Variants in RYR2 observed in about 807,000 individuals in gnomAD.
RYR2 encodes cardiac muscle ryanodine receptor-calcium release channel.
Under a neutral mutation model 601.1 loss-of-function variants are expected in RYR2, and 227 were observed. That is an observed-to-expected ratio of 0.38 (90% CI 0.34 to 0.42). The LOEUF is 0.42. Among genes scored for constraint, RYR2 ranks in the 10% least tolerant of loss-of-function variants. The pLI, the probability that RYR2 is intolerant of heterozygous loss-of-function variation, is 1.00. For missense variants in RYR2, 4,646 were observed against 6,156.5 expected (o/e 0.75, Z 8.21); for synonymous variants, 2,223 against 2,175.1 (o/e 1.02, Z -0.61).
At position 237,284,662 on chromosome 1, in the gene RYR2, C is replaced by T. The variant is rs1274488513; in HGVS notation, c.168+14046C>T. Among the ~76,000 whole-genome samples the T allele has an allele frequency of 7.6e-5, 6 of 79,050 alleles. 1 individual carries two copies. The highest frequency in any genetic ancestry group is 4.0e-4 in the African/African-American group (6 of 14,928). The allele number at this position is 79,050 out of a possible 152,430, so 51.9% of individuals were successfully genotyped here. On this transcript the variant is annotated intron_variant, in intron 2 of 104. Transcript: ENST00000366574. ...AGTGTGTGTATATATATATATATTC[C>T]ACCATATATATATATATATGTACAC...
At chr1:237,197,688 AGTG>A (rs1230095124) in intron 1 of RYR2, among the ~76,000 whole-genome samples, 1 of 152,230 alleles carries the variant, frequency 6.6e-6, no homozygotes, top group African/African-American at 2.4e-5. Flanking sequence ...TGCTTGAAGA[AGTG>A]GTGAATGTCT....
intron 67 of RYR2, 133 bp downstream of exon 67, chr1:237,705,476 G>A (rs1688293208): frequency 4.0e-6 from 3 of 750,418 alleles, no homozygotes; most frequent in Admixed American, 2.7e-5. Context: ...AAATGTTATT[G>A]TTTGGTATTC....
intron 39 of RYR2, among the ~76,000 whole-genome samples, chr1:237,624,096 A>G (rs763373083): frequency 6.6e-6 from 1 of 152,180 alleles, no homozygotes; most frequent in Non-Finnish European, 1.5e-5. Flanking sequence ...TGAGCAGAAG[A>G]TGACCAAAAT....
At chr1:237,455,234 A>G (rs1025387089) in intron 15 of RYR2, among the ~76,000 whole-genome samples, 8 of 152,190 alleles carry the variant, frequency 5.3e-5, no homozygotes, top group Non-Finnish European at 1.0e-4. Flanking sequence ...GTTGGAGACT[A>G]CGAGGGTTGA....
intron 1 of RYR2, among the ~76,000 whole-genome samples, chr1:237,067,380 A>G (rs1008477716): frequency 6.6e-6 from 1 of 152,204 alleles, no homozygotes; most frequent in Non-Finnish European, 1.5e-5. Context: ...TTATTCCAGC[A>G]GCATTTGTTG....
rs554216571 is a variant in RYR2 at position 237,669,816 on chromosome 1, G to A, written c.8590+1858G>A. Among the ~76,000 whole-genome samples the A allele has an allele frequency of 1.1e-3, 172 of 151,564 alleles. 1 individual carries two copies. The highest frequency in any genetic ancestry group is 2.3e-3 in the South Asian group (11 of 4,776). On this transcript the variant is annotated intron_variant, in intron 58 of 104. Coordinates refer to ENST00000366574, the MANE Select transcript of RYR2 (RefSeq NM_001035.3). ...CCTCACTTTCCAGACTGGGCAGCCA[G>A]GCAGAGGGGCTCCTCACATCCCAGA... is the stretch of plus-strand genomic sequence containing the variant.
chr1:237,346,997 T>G (rs1698363958), intron 3 of RYR2, among the ~76,000 whole-genome samples: 1 of 152,148 alleles, frequency 6.6e-6, no homozygotes, highest in African/African-American at 2.4e-5. Flanking sequence ...TGAGGTCCTG[T>G]GAGTCTGTGA....
intron 24 of RYR2, among the ~76,000 whole-genome samples, chr1:237,516,102 AACTT>A (rs752373070): frequency 5.3e-5 from 8 of 149,708 alleles, no homozygotes; most frequent in Admixed American, 2.0e-4. Context: ...CAATCTTCCC[AACTT>A]ACTTACTTAT....
chr1:237,523,580 C>T (rs868573960), intron 24 of RYR2, among the ~76,000 whole-genome samples: 31 of 151,896 alleles, frequency 2.0e-4, no homozygotes, highest in African/African-American at 6.8e-4. Context: ...ACTAAAAATA[C>T]AAAAAAAGTA....
chr1:237,279,839 G>A (rs947907375), intron 2 of RYR2, among the ~76,000 whole-genome samples: 1 of 152,142 alleles, frequency 6.6e-6, no homozygotes, highest in Non-Finnish European at 1.5e-5. Flanking sequence ...CATCATCGTG[G>A]ACTCTGGATA....
intron 44 of RYR2, among the ~76,000 whole-genome samples, chr1:237,637,643 T>C (rs1481428942): frequency 6.6e-6 from 1 of 152,232 alleles, no homozygotes; most frequent in Non-Finnish European, 1.5e-5. Context: ...AATTGATATA[T>C]CATTTTGGAA....
chr1:237,729,222 G>A (rs1453563797), intron 76 of RYR2, among the ~76,000 whole-genome samples: 4 of 152,042 alleles, frequency 2.6e-5, no homozygotes, highest in South Asian at 2.1e-4. Flanking sequence ...CCAGTGGTTC[G>A]CCAACCTGGT....
chr1:237,554,755 T>A (rs1196501965), intron 27 of RYR2, among the ~76,000 whole-genome samples: 2 of 152,062 alleles, frequency 1.3e-5, no homozygotes, highest in East Asian at 3.8e-4. Context: ...TAGGTTGCCA[T>A]ATATAGGCAT....
chr1:237,814,330 G>T (rs548634781), intron 100 of RYR2, among the ~76,000 whole-genome samples: 11 of 152,140 alleles, frequency 7.2e-5, no homozygotes, highest in African/African-American at 2.7e-4. Context: ...TCTCTTGAAC[G>T]TGTCCTTTCA....
chr1:237,729,490 C>G (rs549332368), intron 76 of RYR2, among the ~76,000 whole-genome samples: 2 of 152,126 alleles, frequency 1.3e-5, no homozygotes, highest in Non-Finnish European at 2.9e-5. Flanking sequence ...CTAACTGTTA[C>G]GTCTCATGAG....
chr1:237,255,453 TA>T (rs1241826472), intron 1 of RYR2, among the ~76,000 whole-genome samples: 4 of 152,220 alleles, frequency 2.6e-5, no homozygotes, highest in Non-Finnish European at 5.9e-5. Context: ...TATCTTTTTC[TA>T]AAAGTTAAAA....
chr1:237,546,990 TATA>T (rs1669881503), intron 25 of RYR2, among the ~76,000 whole-genome samples: 2 of 77,418 alleles, frequency 2.6e-5, no homozygotes, highest in Non-Finnish European at 2.8e-5. Context: ...TATATATATA[TATA>T]TATTTATTTA....
intron 4 of RYR2, among the ~76,000 whole-genome samples, chr1:237,358,384 C>G (rs2149702513): frequency 6.6e-6 from 1 of 152,132 alleles, no homozygotes; most frequent in Middle Eastern, 3.4e-3. Context: ...CCTGGAGAGT[C>G]TGCCACTCTC....
chr1:237,361,372 G>T (rs189538618), intron 4 of RYR2, among the ~76,000 whole-genome samples: 50 of 152,256 alleles, frequency 3.3e-4, no homozygotes, highest in Non-Finnish European at 5.7e-4. Context: ...CAAAGGAGAG[G>T]TTACCGGTTG....
Sources: allele counts gnomAD v4.1 joint callset (sites outside exome capture counted in the v4.1 genomes callset), GRCh38; gene constraint gnomAD v4.1.1; transcripts MANE v1.5; gene names NCBI Gene and HGNC (gene_info 2026-07-23, HGNC 2026-07-21).